Variants in FAM13A observed in about 807,000 individuals in gnomAD.
The protein encoded by FAM13A is protein FAM13A.
In FAM13A, 76 loss-of-function variants were observed where a neutral mutation model predicts 129.6. That is an observed-to-expected ratio of 0.59 (90% confidence interval 0.49 to 0.71). The LOEUF (loss-of-function observed/expected upper bound fraction) is 0.71. FAM13A is among the 30% of genes least tolerant of loss of function. The probability of loss-of-function intolerance (pLI) is 0.00; values close to 1 mark genes in which losing one functional copy is unlikely to be tolerated. For synonymous variants in FAM13A, 443 were observed against 449.9 expected (o/e 0.98, Z 0.20); for missense variants, 1,108 against 1,249.3 (o/e 0.89, Z 1.70).
chr4:88,871,641 C>T (rs1275507766), intron 6 of FAM13A, among the ~76,000 whole-genome samples: 3 of 152,080 alleles, frequency 2.0e-5, no homozygotes, highest in East Asian at 3.9e-4. Flanking sequence ...AAATATGAGA[C>T]TATGTGAAAA....
intron 3 of FAM13A, among the ~76,000 whole-genome samples, chr4:88,995,450 T>C (rs1763428364): frequency 1.3e-5 from 2 of 152,308 alleles, no homozygotes; most frequent in South Asian, 4.1e-4. Flanking sequence ...CAGAGGAACA[T>C]GGAAGGACTA....
chr4:88,839,855 A>AT (rs1735514225), intron 7 of FAM13A, among the ~76,000 whole-genome samples: 1 of 152,222 alleles, frequency 6.6e-6, no homozygotes, highest in Non-Finnish European at 1.5e-5. Context: ...GGGAGAACAA[A>AT]TTAAGTAGCT....
intron 2 of FAM13A, among the ~76,000 whole-genome samples, chr4:89,026,546 G>A (rs186222520): frequency 2.0e-5 from 3 of 152,316 alleles, no homozygotes; most frequent in Admixed American, 1.3e-4. Context: ...TGGCTGGGGA[G>A]GCCTCAGGAA....
intron 4 of FAM13A, among the ~76,000 whole-genome samples, chr4:88,974,538 C>T (rs370647136): frequency 2.0e-5 from 3 of 152,106 alleles, no homozygotes; most frequent in Non-Finnish European, 2.9e-5. Flanking sequence ...AGTGTAATGG[C>T]GTGATCTTGG....
In FAM13A at chr4:88,889,973, C is replaced by T. The variant is rs536797508; in HGVS notation, c.843+16406G>A. 1.5e-3 allele frequency among the ~76,000 whole-genome samples: 229 copies of T among 152,262 alleles called. 2 individuals are homozygous for T. Among genetic ancestry groups the T allele is most frequent in the Admixed American group, 3.5e-3 (53 of 15,290 alleles). ...GTAGAACACAGCAAATGAAGGGAAA[C>T]TGGAACATAGAGGCCAGTGAGAACT... On this transcript the variant is annotated intron_variant, in intron 6 of 23. Coordinates refer to ENST00000264344, the MANE Select transcript of FAM13A (RefSeq NM_014883.4).
At position 88,732,120 on chromosome 4, in the gene FAM13A, G is replaced by A. The variant is rs1737958089; in HGVS notation, c.2725C>T (p.Arg909Ter). Residue 909 changes from arginine to a stop codon, truncating the protein, a stop_gained, in exon 22 of 24, where the codon CGA (arginine) becomes TGA (stop). Transcript: ENST00000264344. LOFTEE classifies it high-confidence loss of function. The stretch of plus-strand genomic sequence containing the variant: ...TCTTCGAATTGGTCCAGAAAGCATC[G>A]TGCACTGAAATCGGTTTTCAGAGTG... The part of the protein sequence containing the change: ...MVTLKTDFSA[R>*]CFLDQFEDDA... The A allele has an allele frequency of 1.2e-6, 2 of 1,613,698 alleles. No individual in the cohort carries two copies. The highest frequency in any genetic ancestry group is 1.7e-5 in the Admixed American group (1 of 59,962).
rs1736810207 is a variant in FAM13A, at chr4:88,728,335, AAGTC to A, written c.*194_*197del. 1.6e-6 allele frequency: 1 copy of A among 632,390 alleles called. No individual in the cohort carries two copies. The allele number at this position is 632,390 out of a possible 1,614,324, so 39.2% of individuals were successfully genotyped here. On this transcript the variant is annotated 3_prime_UTR_variant, in exon 24 of 24. Coordinates refer to ENST00000264344, the MANE Select transcript of FAM13A (RefSeq NM_014883.4). Reference sequence around the variant, plus strand: ...TTGACTTTCCAATTACAAAATGCCTAAGTCAGGTCACATTGTCTTCTTCCAGCCA... The same window carrying A: ...TTGACTTTCCAATTACAAAATGCCTAAGGTCACATTGTCTTCTTCCAGCCA...
chr4:88,915,860 C>A (rs1750030320), intron 5 of FAM13A, among the ~76,000 whole-genome samples: 2 of 151,994 alleles, frequency 1.3e-5, no homozygotes, highest in Admixed American at 1.3e-4. Context: ...ATTATGGGAG[C>A]AGGATTAATG....
chr4:89,015,307 T>C (rs867419770), intron 3 of FAM13A, among the ~76,000 whole-genome samples: 1 of 152,186 alleles, frequency 6.6e-6, no homozygotes, highest in Non-Finnish European at 1.5e-5. Context: ...AAGCACGTGA[T>C]CTCTGTGACC....
chr4:88,799,497 T>A (rs113846505), intron 8 of FAM13A, among the ~76,000 whole-genome samples: 13 of 150,474 alleles, frequency 8.6e-5, no homozygotes, highest in Admixed American at 3.3e-4. Context: ...TTTTTTTTTT[T>A]AATTATTAGA....
intron 7 of FAM13A, among the ~76,000 whole-genome samples, chr4:88,841,493 CAA>C (rs35396785): frequency 0.015 from 1,490 of 96,602 alleles, 10 homozygotes; most frequent in African/African-American, 0.044. Flanking sequence ...GACTCTGTCT[CAA>C]AAAAAAAAAA....
At chr4:88,977,717 A>G (rs1030877233) in intron 4 of FAM13A, among the ~76,000 whole-genome samples, 5 of 152,202 alleles carry the variant, frequency 3.3e-5, no homozygotes, top group African/African-American at 1.2e-4. Context: ...ACCAAGGTCA[A>G]AAAGTATCCT....
At chr4:88,822,053 T>C (rs577992775) in intron 7 of FAM13A, among the ~76,000 whole-genome samples, 71 of 152,214 alleles carry the variant, frequency 4.7e-4, no homozygotes, top group Non-Finnish European at 9.1e-4. Context: ...TATCCTTAAA[T>C]AAACCACATT....
chr4:89,037,955 C>G (rs1035035478), intron 1 of FAM13A, among the ~76,000 whole-genome samples: 3 of 152,222 alleles, frequency 2.0e-5, no homozygotes, highest in African/African-American at 7.2e-5. Flanking sequence ...AACCTCTTTT[C>G]TTTATAAAGC....
At chr4:89,008,419 C>T (rs1765331700) in intron 3 of FAM13A, among the ~76,000 whole-genome samples, 1 of 152,204 alleles carries the variant, frequency 6.6e-6, no homozygotes, top group African/African-American at 2.4e-5. Context: ...AAGAAAGTGA[C>T]ATCTGCAAGG....
rs558109663 is a variant in FAM13A, at chr4:88,820,634, C to T, written c.1008-15582G>A. ...TGCCAGCTGTCACTAGCTTTATAAG[C>T]GCTATAATCATTAACTAGAATTTAG... On this transcript the variant is annotated intron_variant, in intron 7 of 23. Coordinates refer to ENST00000264344, the MANE Select transcript of FAM13A (RefSeq NM_014883.4). Among the ~76,000 whole-genome samples the T allele has an allele frequency of 1.0e-3, 158 of 152,214 alleles. 1 individual carries two copies. Among genetic ancestry groups the T allele is most frequent in the Middle Eastern group, 3.4e-3 (1 of 294 alleles).
At position 89,020,546 on chromosome 4, in the gene FAM13A, G is replaced by A. The variant is rs772000939; in HGVS notation, c.341C>T (p.Ala114Val). ...LGKDGDVCSA[A>V]SLLKLFLREL... The stretch of plus-strand genomic sequence containing the variant: ...CCTCAGAAACAGCTTCAACAGACTG[G>A]CTGCTGAGCAGACATCACCGTCCTT... The change falls in exon 3 of 24, where the codon GCC becomes GTC. Residue 114 changes from alanine (A) to valine (V), a missense_variant. Transcript: ENST00000264344. 1.9e-6 allele frequency: 3 copies of A among 1,614,014 alleles called. No individual in the cohort carries two copies. Among genetic ancestry groups the A allele is most frequent in the Non-Finnish European group, 2.5e-6 (3 of 1,179,954 alleles).
At chr4:88,855,279 G>A (rs1738299365) in intron 6 of FAM13A, 1 of 151,342 alleles carries the variant, frequency 6.6e-6, no homozygotes, top group African/African-American at 2.4e-5. Flanking sequence ...TATTTCTCTG[G>A]CACCTGTTGA....
chr4:88,982,157 T>C (rs1253502177), intron 4 of FAM13A, among the ~76,000 whole-genome samples: 1 of 152,190 alleles, frequency 6.6e-6, no homozygotes, highest in African/African-American at 2.4e-5. Flanking sequence ...GTTGAAGAAG[T>C]TGGCTTGTGT....
Sources: allele counts gnomAD v4.1 joint callset (sites outside exome capture counted in the v4.1 genomes callset), GRCh38; gene constraint gnomAD v4.1.1; transcripts MANE v1.5; gene names NCBI Gene and HGNC (gene_info 2026-07-23, HGNC 2026-07-21).